The following POU6F2 variants were observed in gnomAD, a reference collection of about 807,000 sequenced individuals.
The protein encoded by POU6F2 is POU domain, class 6, transcription factor 2.
A neutral mutation model predicts 71.3 loss-of-function variants in POU6F2; 31 were observed. That is an observed-to-expected ratio of 0.43 (90% confidence interval 0.33 to 0.59). The LOEUF (loss-of-function observed/expected upper bound fraction) is 0.59, where lower values mean the gene tolerates loss of function less well. POU6F2 is among the 20% of genes least tolerant of loss of function. The pLI, the probability that POU6F2 is intolerant of heterozygous loss-of-function variation, is 0.04. For synonymous variants in POU6F2, 347 were observed against 355.7 expected (o/e 0.98, Z 0.27); for missense variants, 783 against 856.8 (o/e 0.91, Z 1.07).
At chr7:39,124,835 C>G (rs1792111501) in intron 2 of POU6F2, among the ~76,000 whole-genome samples, 1 of 152,096 alleles carries the variant, frequency 6.6e-6, no homozygotes, top group South Asian at 2.1e-4. Flanking sequence ...TTGATTAGGA[C>G]AGTTAGTTGA....
chr7:38,996,035 C>CTTTTTTTTTTTTTT (rs5883669), intron 1 of POU6F2, among the ~76,000 whole-genome samples: 21 of 85,388 alleles, frequency 2.5e-4, no homozygotes, highest in Non-Finnish European at 2.6e-4. Flanking sequence ...AGGGGCTTGG[C>CTTTTTTTTTTTTTT]TTTTTTTTTT....
chr7:38,990,911 C>A (rs745643975), intron 1 of POU6F2, among the ~76,000 whole-genome samples: 1 of 151,908 alleles, frequency 6.6e-6, no homozygotes, highest in Non-Finnish European at 1.5e-5. Context: ...GACAAGGATA[C>A]GAGTTGGAGA....
intron 4 of POU6F2, among the ~76,000 whole-genome samples, chr7:39,209,449 T>G (rs1794095394): frequency 6.6e-6 from 1 of 152,210 alleles, no homozygotes; most frequent in African/African-American, 2.4e-5. Flanking sequence ...TTTGTCTTCC[T>G]CTTTGAAATT....
intron 1 of POU6F2, among the ~76,000 whole-genome samples, chr7:39,000,066 G>C (rs555388484): frequency 6.6e-6 from 1 of 152,094 alleles, no homozygotes; most frequent in Non-Finnish European, 1.5e-5. Flanking sequence ...ATTTTAGTTC[G>C]TTTTGTAATT....
chr7:39,015,745 T>C (rs28970300), intron 1 of POU6F2, among the ~76,000 whole-genome samples: 1 of 62,784 alleles, frequency 1.6e-5, no homozygotes, highest in African/African-American at 5.9e-5. Context: ...AGATATATAT[T>C]ATATATTATA....
At chr7:39,087,295 A>G (rs1027911282) in intron 2 of POU6F2, among the ~76,000 whole-genome samples, 10 of 151,908 alleles carry the variant, frequency 6.6e-5, no homozygotes, top group African/African-American at 2.4e-4. Context: ...TGCTTACTCA[A>G]TCAAACATTA....
intron 9 of POU6F2, among the ~76,000 whole-genome samples, chr7:39,463,415 G>A (rs976761243): frequency 3.3e-5 from 5 of 152,140 alleles, no homozygotes; most frequent in East Asian, 1.9e-4. Flanking sequence ...CCATTACACC[G>A]GCTGGTGTTT....
chr7:39,029,916 A>G (rs1036967635), intron 1 of POU6F2, among the ~76,000 whole-genome samples: 12 of 152,082 alleles, frequency 7.9e-5, no homozygotes, highest in African/African-American at 2.7e-4. Context: ...TATCATTTTT[A>G]TATACACTAC....
At chr7:39,363,959 A>G (rs1356542871) in intron 5 of POU6F2, among the ~76,000 whole-genome samples, 1 of 152,212 alleles carries the variant, frequency 6.6e-6, no homozygotes, top group African/African-American at 2.4e-5. Context: ...GAAGCCAACA[A>G]ATGGCATAAT....
chr7:39,077,648 A>T (rs1434026550), intron 1 of POU6F2, among the ~76,000 whole-genome samples: 1 of 152,216 alleles, frequency 6.6e-6, no homozygotes, highest in African/African-American at 2.4e-5. Flanking sequence ...GAGGTTCAAC[A>T]AAAAGACAAG....
chr7:39,167,747 G>A (rs906159092), intron 2 of POU6F2, among the ~76,000 whole-genome samples: 5 of 151,472 alleles, frequency 3.3e-5, no homozygotes, highest in African/African-American at 4.8e-5. Flanking sequence ...TGGTGTATAG[G>A]CAATGTTATA....
At chr7:39,089,819 A>G (rs901689725) in intron 2 of POU6F2, among the ~76,000 whole-genome samples, 1 of 152,190 alleles carries the variant, frequency 6.6e-6, no homozygotes, top group Non-Finnish European at 1.5e-5. Context: ...TTTCTCCCAT[A>G]TATATTTGAG....
intron 5 of POU6F2, among the ~76,000 whole-genome samples, chr7:39,346,669 A>G (rs1049675762): frequency 6.6e-6 from 1 of 152,250 alleles, no homozygotes; most frequent in African/African-American, 2.4e-5. Context: ...TGGCAATTTG[A>G]GATGCCCAAA....
intron 1 of POU6F2, among the ~76,000 whole-genome samples, chr7:39,007,089 A>G (rs1459798768): frequency 6.6e-6 from 1 of 152,212 alleles, no homozygotes; most frequent in Non-Finnish European, 1.5e-5. Context: ...GGGTGGCATT[A>G]CAGTTTGTTT....
chr7:39,377,003 ATTTG>A (rs1159019353), intron 5 of POU6F2, among the ~76,000 whole-genome samples: 7 of 148,380 alleles, frequency 4.7e-5, no homozygotes, highest in Non-Finnish European at 7.4e-5. Flanking sequence ...ATATAAATAT[ATTTG>A]TTTAACTATA....
intron 6 of POU6F2, among the ~76,000 whole-genome samples, chr7:39,410,487 T>C (rs979883844): frequency 6.6e-6 from 1 of 152,152 alleles, no homozygotes; most frequent in Admixed American, 6.5e-5. Flanking sequence ...CTAGTTCTCT[T>C]TGTTTACTGG....
intron 1 of POU6F2, among the ~76,000 whole-genome samples, chr7:39,015,642 T>TA (rs1172114133): frequency 1.9e-5 from 2 of 106,228 alleles, no homozygotes; most frequent in South Asian, 2.8e-4. Flanking sequence ...ATCTATGTTA[T>TA]ATATAGATAT....
chr7:39,002,416 C>A (rs1788940783), intron 1 of POU6F2, among the ~76,000 whole-genome samples: 1 of 152,206 alleles, frequency 6.6e-6, no homozygotes, highest in South Asian at 2.1e-4. Context: ...GGCACAATCT[C>A]AGTTCACTGC....
chr7:39,460,403 G>T lies in POU6F2; in HGVS notation c.1490-144G>T. Reference sequence around the variant, plus strand: ...GGATGGAGTGTTGGGTGTCTCACCTGGGAGACAAAGCGAACATTCTCTGAG... The same window carrying T: ...GGATGGAGTGTTGGGTGTCTCACCTTGGAGACAAAGCGAACATTCTCTGAG... On this transcript the variant is annotated intron_variant, in intron 8 of 9. Coordinates refer to ENST00000518318, the MANE Select transcript of POU6F2 (RefSeq NM_001370959.1). This position sits in a 1 kb window ranked among gnomAD's most constrained non-coding sequence, Gnocchi z 4.4. 1.2e-6 allele frequency: 1 copy of T among 832,196 alleles called. No individual in the cohort carries two copies. The highest frequency in any genetic ancestry group is 1.9e-6 in the Non-Finnish European group (1 of 530,652). 51.6% of individuals were successfully genotyped at this position (832,196 alleles called of 1,614,324 possible).
Sources: allele counts gnomAD v4.1 joint callset (sites outside exome capture counted in the v4.1 genomes callset), GRCh38; gene constraint gnomAD v4.1.1; non-coding constraint Gnocchi (gnomAD v3.1); transcripts MANE v1.5; gene names NCBI Gene and HGNC (gene_info 2026-07-23, HGNC 2026-07-21).